Variants in COX10 observed in about 807,000 individuals in gnomAD.
The protein encoded by COX10 is cytochrome c oxidase assembly factor heme A:farnesyltransferase COX10, also known as protoheme IX farnesyltransferase, mitochondrial.
Under a neutral mutation model 37.3 loss-of-function variants are expected in COX10, and 27 were observed. That is an observed-to-expected ratio of 0.72 (90% confidence interval 0.53 to 1.00). The LOEUF (loss-of-function observed/expected upper bound fraction) is 1.00, where lower values mean the gene tolerates loss of function less well. COX10 is among the 50% of genes least tolerant of loss of function. COX10 has a pLI of 0.00. For missense variants in COX10, 475 were observed against 563.2 expected (o/e 0.84, Z 1.59); for synonymous variants, 222 against 229.1 (o/e 0.97, Z 0.28).
intron 5 of COX10, among the ~76,000 whole-genome samples, chr17:14,164,673 A>G (rs140008576): frequency 0.013 from 1,951 of 152,306 alleles, 25 homozygotes; most frequent in Non-Finnish European, 0.016. Flanking sequence ...TGTGCAAGCC[A>G]TAGACAAAAT....
At chr17:14,172,795 C>T (rs1905522511) in intron 5 of COX10, among the ~76,000 whole-genome samples, 1 of 151,922 alleles carries the variant, frequency 6.6e-6, no homozygotes, top group South Asian at 2.1e-4. Flanking sequence ...TCAAGCGTTT[C>T]TCCTGCCTTG....
intron 5 of COX10, among the ~76,000 whole-genome samples, chr17:14,170,634 G>A (rs1014525186): frequency 6.6e-6 from 1 of 152,150 alleles, no homozygotes; most frequent in African/African-American, 2.4e-5. Context: ...GAGCAACGTA[G>A]TGAGACCCTG....
chr17:14,081,975 G>T (rs2142186145), intron 3 of COX10, among the ~76,000 whole-genome samples: 1 of 152,242 alleles, frequency 6.6e-6, no homozygotes, highest in African/African-American at 2.4e-5. Context: ...GTTGCTACTG[G>T]CATATCCAGG....
chr17:14,175,433 GT>G (rs1385680773), intron 5 of COX10, among the ~76,000 whole-genome samples: 4 of 151,734 alleles, frequency 2.6e-5, no homozygotes, highest in Non-Finnish European at 5.9e-5. Context: ...CTGAGGCTCT[GT>G]TTCCTCGCCT....
chr17:14,168,256 T>C (rs912569189), intron 5 of COX10, among the ~76,000 whole-genome samples: 2 of 152,254 alleles, frequency 1.3e-5, no homozygotes, highest in Admixed American at 1.3e-4. Flanking sequence ...GGCACACTGA[T>C]GCAAGGTTGG....
intron 5 of COX10, among the ~76,000 whole-genome samples, chr17:14,175,095 G>GGGGGGGC (rs1905630719): frequency 1.3e-5 from 1 of 74,340 alleles, no homozygotes; most frequent in African/African-American, 4.1e-5. Flanking sequence ...GGGGGGGGGG[G>GGGGGGGC]GGTGGATAGG....
chr17:14,176,717 T>C (rs942807139), intron 5 of COX10, among the ~76,000 whole-genome samples: 5 of 152,062 alleles, frequency 3.3e-5, no homozygotes, highest in African/African-American at 9.6e-5. Context: ...ATAAACTGAA[T>C]AAACTGCAGC....
At chr17:14,096,218 C>T (rs184714574) in intron 3 of COX10, among the ~76,000 whole-genome samples, 1 of 152,182 alleles carries the variant, frequency 6.6e-6, no homozygotes, top group East Asian at 1.9e-4. Flanking sequence ...GCCACCATGA[C>T]CCAGTCACCT....
At chr17:14,078,504 C>A (rs1915207092) in intron 3 of COX10, among the ~76,000 whole-genome samples, 1 of 152,112 alleles carries the variant, frequency 6.6e-6, no homozygotes, top group Non-Finnish European at 1.5e-5. Context: ...TCTCCGCTCT[C>A]CCCTTCATCT....
intron 4 of COX10, among the ~76,000 whole-genome samples, chr17:14,117,495 G>A (rs925132810): frequency 2.7e-4 from 41 of 152,152 alleles, no homozygotes; most frequent in South Asian, 2.1e-4. Context: ...TCATTATTCC[G>A]TTTTCAAAAT....
chr17:14,204,285 C>T lies in COX10; in HGVS notation c.929-2525C>T, dbSNP rs904222335. Among the ~76,000 whole-genome samples, 17 of 152,122 alleles carry T rather than the reference C, an allele frequency of 1.1e-4. No homozygotes were observed. In the East Asian group the frequency reaches 2.2e-3, roughly 19 times the overall value. ...GACGACACCCACACTCTGGCTGCCA[C>T]ACCCTCTTAGTGACTTTCCCCTTGG... On this transcript the variant is annotated intron_variant, in intron 6 of 6. Coordinates refer to ENST00000261643, the MANE Select transcript of COX10 (RefSeq NM_001303.4).
chr17:14,183,412 A>G (rs1905925045), intron 5 of COX10, among the ~76,000 whole-genome samples: 1 of 152,188 alleles, frequency 6.6e-6, no homozygotes, highest in Non-Finnish European at 1.5e-5. Flanking sequence ...TTACAATATT[A>G]TCACACCCTG....
chr17:14,122,544 A>G (rs1916254325), intron 4 of COX10, among the ~76,000 whole-genome samples: 1 of 151,914 alleles, frequency 6.6e-6, no homozygotes, highest in South Asian at 2.1e-4. Context: ...CTGTACTTTT[A>G]TTTGCTATTA....
intron 6 of COX10, among the ~76,000 whole-genome samples, chr17:14,205,595 G>A (rs77674500): frequency 0.015 from 2,253 of 151,926 alleles, 25 homozygotes; most frequent in Non-Finnish European, 0.024. Flanking sequence ...CATTTTTTGC[G>A]CGAGTACTCA....
intron 5 of COX10, among the ~76,000 whole-genome samples, chr17:14,184,294 T>G (rs937870394): frequency 6.6e-5 from 10 of 152,174 alleles, no homozygotes; most frequent in Admixed American, 6.6e-4. Flanking sequence ...TTACCCACTT[T>G]TAAATAACTA....
chr17:14,130,137 A>G (rs913044903), intron 4 of COX10, among the ~76,000 whole-genome samples: 22 of 152,154 alleles, frequency 1.4e-4, no homozygotes, highest in African/African-American at 4.6e-4. Context: ...TCCCAATTAC[A>G]TTACACTGGG....
At chr17:14,080,551 CT>C (rs1353753211) in intron 3 of COX10, among the ~76,000 whole-genome samples, 11 of 152,350 alleles carry the variant, frequency 7.2e-5, no homozygotes, top group African/African-American at 2.6e-4. Flanking sequence ...GAGTCCACTC[CT>C]GCATAAGCAG....
chr17:14,134,352 C>CT (rs977181275), intron 4 of COX10, among the ~76,000 whole-genome samples: 2 of 151,412 alleles, frequency 1.3e-5, no homozygotes, highest in Admixed American at 6.6e-5. Flanking sequence ...TTTCTATCAG[C>CT]TTTTTTTTCA....
At chr17:14,124,597 G>C (rs1916295605) in intron 4 of COX10, among the ~76,000 whole-genome samples, 1 of 152,036 alleles carries the variant, frequency 6.6e-6, no homozygotes, top group South Asian at 2.1e-4. Context: ...AATTAAGATG[G>C]TATATTCATT....
Sources: allele counts gnomAD v4.1 joint callset (sites outside exome capture counted in the v4.1 genomes callset), GRCh38; gene constraint gnomAD v4.1.1; transcripts MANE v1.5; gene names NCBI Gene and HGNC (gene_info 2026-07-23, HGNC 2026-07-21).